The following LSAMP variants were observed in gnomAD, a reference collection of about 807,000 sequenced individuals.
LSAMP encodes limbic system-associated membrane protein.
A neutral mutation model predicts 38.6 loss-of-function variants in LSAMP; 7 were observed. The observed-to-expected ratio is 0.18, with a 90% CI of 0.10 to 0.34. LSAMP has a LOEUF of 0.34. LSAMP is among the 10% of genes least tolerant of loss of function. The pLI, the probability that LSAMP is intolerant of heterozygous loss-of-function variation, is 1.00. For synonymous variants in LSAMP, 154 were observed against 166.8 expected, an observed-to-expected ratio of 0.92 and a Z score of 0.59; for missense variants, 313 against 420.0, an observed-to-expected ratio of 0.75 and a Z score of 2.23.
intron 3 of LSAMP, among the ~76,000 whole-genome samples, chr3:115,897,210 C>T (rs1406224396): frequency 1.3e-5 from 2 of 151,964 alleles, no homozygotes; most frequent in Non-Finnish European, 2.9e-5. Context: ...ATTAATAAAG[C>T]TGATCATTTT....
intron 1 of LSAMP, among the ~76,000 whole-genome samples, chr3:116,426,526 C>T (rs2049199094): frequency 6.7e-6 from 1 of 149,340 alleles, no homozygotes; most frequent in Admixed American, 6.7e-5. Flanking sequence ...TACAGTCATG[C>T]ACTGATAAGG....
chr3:115,859,102 G>C (rs1285639402), intron 3 of LSAMP, among the ~76,000 whole-genome samples: 2 of 152,202 alleles, frequency 1.3e-5, no homozygotes, highest in African/African-American at 4.8e-5. Context: ...TGTCTCTCCA[G>C]ATTATTTGAG....
In LSAMP at chr3:116,444,739, C is replaced by A. The variant is rs1293423471; in HGVS notation, c.155+138G>T. 1.3e-5 allele frequency: 15 copies of A among 1,115,100 alleles called. No homozygotes were observed. The South Asian group carries it at 1.4e-4, about 10-fold the overall frequency. 69.1% of individuals were successfully genotyped at this position (1,115,100 alleles called of 1,614,324 possible). The stretch of plus-strand genomic sequence containing the variant: ...GACACACACACACACACCACACACA[C>A]ACACACCACAAGCCTGCAGCATCAG... On this transcript the variant is annotated intron_variant, in intron 1 of 6. Transcript: ENST00000490035.
At chr3:116,319,815 T>A (rs556454700) in intron 1 of LSAMP, among the ~76,000 whole-genome samples, 10 of 151,434 alleles carry the variant, frequency 6.6e-5, no homozygotes, top group Non-Finnish European at 1.0e-4. Context: ...TTTTTTTTTT[T>A]AATAAAAATG....
chr3:116,302,994 C>T (rs1488131047), intron 1 of LSAMP, among the ~76,000 whole-genome samples: 1 of 152,124 alleles, frequency 6.6e-6, no homozygotes, highest in African/African-American at 2.4e-5. Context: ...TGACATTTGC[C>T]ATCAGTGATT....
At chr3:116,294,427 C>CTAT (rs772117228) in intron 1 of LSAMP, among the ~76,000 whole-genome samples, 2 of 152,138 alleles carry the variant, frequency 1.3e-5, no homozygotes, top group African/African-American at 2.4e-5. Context: ...ATAATCACCT[C>CTAT]TATTTCAGAA....
chr3:116,437,525 C>A (rs1576225417), intron 1 of LSAMP, among the ~76,000 whole-genome samples: 1 of 152,058 alleles, frequency 6.6e-6, no homozygotes, highest in South Asian at 2.1e-4. Flanking sequence ...CCTCCTTGAC[C>A]AGCACTAACT....
intron 4 of LSAMP, among the ~76,000 whole-genome samples, chr3:115,846,285 A>T (rs1935156146): frequency 6.6e-6 from 1 of 152,204 alleles, no homozygotes; most frequent in African/African-American, 2.4e-5. Flanking sequence ...AGTTTATATT[A>T]ATTCAAAATT....
At chr3:116,313,106 A>G (rs1186605303) in intron 1 of LSAMP, among the ~76,000 whole-genome samples, 1 of 152,172 alleles carries the variant, frequency 6.6e-6, no homozygotes, top group African/African-American at 2.4e-5. Flanking sequence ...ATTTCTAAAA[A>G]TCTCAGAAGC....
chr3:116,068,712 C>T (rs985425356), intron 2 of LSAMP, among the ~76,000 whole-genome samples: 1 of 152,150 alleles, frequency 6.6e-6, no homozygotes, highest in Non-Finnish European at 1.5e-5. Flanking sequence ...TCTCAACATT[C>T]TATATATGAT....
At position 116,167,583 on chromosome 3, in the gene LSAMP, C is replaced by T. The variant is rs769781868; in HGVS notation, c.156-81027G>A. Among the ~76,000 whole-genome samples, 5 of 152,272 alleles carry T rather than the reference C, an allele frequency of 3.3e-5. No individual in the cohort carries two copies. The South Asian group carries it at 8.3e-4, about 25-fold the overall frequency. ...ATCCATCCATCTGTTCATTCTTCCA[C>T]GCTTCTATCCATTTATCTGTCCTTC... is the stretch of plus-strand genomic sequence containing the variant. On this transcript the variant is annotated intron_variant, in intron 1 of 6. Coordinates refer to ENST00000490035, the MANE Select transcript of LSAMP (RefSeq NM_002338.5).
chr3:116,034,145 C>A (rs1000680186), intron 2 of LSAMP, among the ~76,000 whole-genome samples: 2 of 151,960 alleles, frequency 1.3e-5, no homozygotes, highest in African/African-American at 4.8e-5. Flanking sequence ...GGTGGTCATG[C>A]AATTGGATGC....
At chr3:115,940,766 G>A (rs1937891805) in intron 3 of LSAMP, among the ~76,000 whole-genome samples, 1 of 152,144 alleles carries the variant, frequency 6.6e-6, no homozygotes, top group South Asian at 2.1e-4. Context: ...ACCAGTCTAT[G>A]TGTCTGCTTT....
At chr3:115,816,917 G>A (rs553543008) in intron 6 of LSAMP, among the ~76,000 whole-genome samples, 1 of 152,310 alleles carries the variant, frequency 6.6e-6, no homozygotes, top group African/African-American at 2.4e-5. Context: ...ATGTAGACAA[G>A]TTCAAGAACT....
chr3:116,185,583 C>T (rs1710595680), intron 1 of LSAMP, among the ~76,000 whole-genome samples: 1 of 151,906 alleles, frequency 6.6e-6, no homozygotes, highest in Non-Finnish European at 1.5e-5. Context: ...ATGTATCTTC[C>T]TCATAGATTT....
intron 1 of LSAMP, among the ~76,000 whole-genome samples, chr3:116,116,835 A>C (rs1184545865): frequency 6.6e-6 from 1 of 152,204 alleles, no homozygotes; most frequent in African/African-American, 2.4e-5. Flanking sequence ...GCTGTACTAC[A>C]GAGGCCATGC....
intron 1 of LSAMP, among the ~76,000 whole-genome samples, chr3:116,155,918 G>C (rs922711694): frequency 6.6e-6 from 1 of 152,140 alleles, no homozygotes; most frequent in Non-Finnish European, 1.5e-5. Context: ...AAAACTGTTT[G>C]CTGTAAAACA....
At chr3:116,444,345 GAT>G (rs1020584828) in intron 1 of LSAMP, among the ~76,000 whole-genome samples, 5 of 130,258 alleles carry the variant, frequency 3.8e-5, no homozygotes, top group East Asian at 4.5e-4. Context: ...ACACAACCTT[GAT>G]ATGTGTGTGT....
intron 1 of LSAMP, among the ~76,000 whole-genome samples, chr3:116,206,412 G>T (rs2046070893): frequency 6.7e-6 from 1 of 150,094 alleles, no homozygotes; most frequent in African/African-American, 2.4e-5. Flanking sequence ...CTTCAGTTCT[G>T]CTCTGATTTT....
Sources: allele counts gnomAD v4.1 joint callset (sites outside exome capture counted in the v4.1 genomes callset), GRCh38; gene constraint gnomAD v4.1.1; transcripts MANE v1.5; gene names NCBI Gene and HGNC (gene_info 2026-07-23, HGNC 2026-07-21).